Variants in TMEM169 observed in about 807,000 individuals in gnomAD.
TMEM169 encodes the protein transmembrane protein 169.
A neutral mutation model predicts 27.3 loss-of-function variants in TMEM169; 18 were observed. The ratio of observed to expected loss-of-function variants is 0.66; its 90% CI spans 0.46 to 0.98. The LOEUF is 0.98. Among genes scored for constraint, TMEM169 ranks in the 50% least tolerant of loss-of-function variants. The probability of loss-of-function intolerance (pLI) is 0.00; values close to 1 mark genes in which losing one functional copy is unlikely to be tolerated. For missense variants in TMEM169, 320 were observed against 368.6 expected (o/e 0.87, Z 1.08); for synonymous variants, 136 against 142.1 (o/e 0.96, Z 0.30).
Position 216,100,775 on chromosome 2 carries a change from A to G in TMEM169, c.*233A>G. On this transcript the variant is annotated 3_prime_UTR_variant, in exon 3 of 3. Transcript: ENST00000437356. ...AACTCTTTTTGATTCCCTGCCCTAA[A>G]ATCACCATTTATTTAGGACAATGGA... The G allele has an allele frequency of 1.7e-6, 1 of 578,794 alleles. No individual in the cohort carries two copies. The highest frequency in any genetic ancestry group is 3.0e-6 in the Non-Finnish European group (1 of 329,334). 35.9% of individuals were successfully genotyped at this position (578,794 alleles called of 1,614,324 possible).
chr2:216,088,808 C>T (rs1696065794), intron 1 of TMEM169, among the ~76,000 whole-genome samples: 1 of 152,066 alleles, frequency 6.6e-6, no homozygotes, highest in Non-Finnish European at 1.5e-5. Context: ...CTTCTTTATC[C>T]CTTTCTCCTT....
At chr2:216,097,786 T>A (rs1190684251) in intron 2 of TMEM169, among the ~76,000 whole-genome samples, 1 of 152,080 alleles carries the variant, frequency 6.6e-6, no homozygotes, top group Non-Finnish European at 1.5e-5. Context: ...GTTCTAAAGA[T>A]GACAAAACCA....
rs112664969 is a variant in TMEM169, at chr2:216,099,839, T to G, written c.272-81T>G. The G allele has an allele frequency of 7.2e-5, 111 of 1,534,262 alleles. No homozygotes were observed. The African/African-American group carries it at 1.4e-3, about 19-fold the overall frequency. ...GTAAAAAAGGCTACTCTTGTCCTCATGCCCAGCCTGGGAGGGTGCAACATG... is the reference window on the plus strand; with the variant it reads ...GTAAAAAAGGCTACTCTTGTCCTCAGGCCCAGCCTGGGAGGGTGCAACATG... On this transcript the variant is annotated intron_variant, in intron 2 of 2. Coordinates refer to ENST00000437356, the MANE Select transcript of TMEM169 (RefSeq NM_001142311.2). The surrounding 1 kb of genome is among the most constrained non-coding windows in gnomAD (Gnocchi z 5.0).
rs1247539564 is a variant in TMEM169 at position 216,099,479 on chromosome 2, A to T, written c.272-441A>T. 6.6e-6 allele frequency among the ~76,000 whole-genome samples: 1 copy of T among 152,000 alleles called. No individual in the cohort carries two copies. Among genetic ancestry groups the T allele is most frequent in the Non-Finnish European group, 1.5e-5 (1 of 67,970 alleles). Reference sequence around the variant, plus strand: ...TCAGGCATGTGAGGGGCCCCCTCTCAGAAAGCACAGAACTAGGCATGAGAA... The same window carrying T: ...TCAGGCATGTGAGGGGCCCCCTCTCTGAAAGCACAGAACTAGGCATGAGAA... On this transcript the variant is annotated intron_variant, in intron 2 of 2. Transcript: ENST00000437356. The surrounding 1 kb of genome is among the most constrained non-coding windows in gnomAD (Gnocchi z 5.0).
intron 1 of TMEM169, among the ~76,000 whole-genome samples, chr2:216,090,726 T>G (rs1212574258): frequency 6.6e-6 from 1 of 152,246 alleles, no homozygotes; most frequent in Non-Finnish European, 1.5e-5. Context: ...ACTCCCAGTT[T>G]ATTGACGCAC....
intron 1 of TMEM169, among the ~76,000 whole-genome samples, chr2:216,088,472 CA>C (rs1696058183): frequency 6.6e-6 from 1 of 152,120 alleles, no homozygotes; most frequent in South Asian, 2.1e-4. Flanking sequence ...TCAAAACAAA[CA>C]AACAAACAGA....
At chr2:216,098,840 G>A (rs575975596) in intron 2 of TMEM169, among the ~76,000 whole-genome samples, 6 of 150,894 alleles carry the variant, frequency 4.0e-5, no homozygotes, top group African/African-American at 7.3e-5. Context: ...GTGGATAGGC[G>A]TGGGTGGTAT....
rs1401015269 is a variant in TMEM169, at chr2:216,102,185, A to G, written c.*1643A>G. On this transcript the variant is annotated 3_prime_UTR_variant, in exon 3 of 3. Coordinates refer to ENST00000437356, the MANE Select transcript of TMEM169 (RefSeq NM_001142311.2). ...AAAGTTTCCTCCAACAGCGATCAGT[A>G]GCCCTAAGTACAAAGAAGCCAGATT... The G allele has an allele frequency of 6.6e-6, 1 of 152,180 alleles. No homozygotes were observed. The highest frequency in any genetic ancestry group is 1.5e-5 in the Non-Finnish European group (1 of 68,042). 9.4% of individuals were successfully genotyped at this position (152,180 alleles called of 1,614,324 possible).
chr2:216,085,082 C>G (rs1371942537), intron 1 of TMEM169, among the ~76,000 whole-genome samples: 1 of 152,178 alleles, frequency 6.6e-6, no homozygotes, highest in Non-Finnish European at 1.5e-5. Flanking sequence ...CTCTGCCTCC[C>G]AGGTTCAAAC....
intron 1 of TMEM169, among the ~76,000 whole-genome samples, chr2:216,087,986 C>T (rs1696044322): frequency 6.6e-6 from 1 of 151,704 alleles, no homozygotes; most frequent in Non-Finnish European, 1.5e-5. Flanking sequence ...TGGTGAAACC[C>T]TGTCTGTACT....
At chr2:216,098,772 G>A (rs553610562) in intron 2 of TMEM169, among the ~76,000 whole-genome samples, 1 of 150,432 alleles carries the variant, frequency 6.6e-6, no homozygotes, top group African/African-American at 2.4e-5. Flanking sequence ...TGTATGTGGG[G>A]GTGTGTGCGC....
At chr2:216,093,554 A>T (rs1337069080) in intron 1 of TMEM169, among the ~76,000 whole-genome samples, 2 of 152,118 alleles carry the variant, frequency 1.3e-5, no homozygotes, top group African/African-American at 4.8e-5. Flanking sequence ...TGTGGATCCT[A>T]CCACTAAGAT....
intron 1 of TMEM169, 173 bp downstream of exon 1, chr2:216,082,152 C>A (rs539587067): frequency 6.0e-6 from 1 of 167,516 alleles, no homozygotes. Context: ...TCCAGTGCAG[C>A]TGGAAAAAGA....
chr2:216,093,519 G>A (rs1050055082), intron 1 of TMEM169, among the ~76,000 whole-genome samples: 5 of 152,256 alleles, frequency 3.3e-5, no homozygotes, highest in African/African-American at 4.8e-5. Context: ...CAGTGAGGAC[G>A]TAGTGAAACC....
chr2:216,100,232 A>G lies in TMEM169; in HGVS notation c.584A>G (p.Asn195Ser), dbSNP rs1240574453. 6.2e-7 allele frequency: 1 copy of G among 1,613,232 alleles called. No homozygotes were observed. The highest frequency in any genetic ancestry group is 2.2e-5 in the East Asian group (1 of 44,872). Residue 195 changes from asparagine (N) to serine (S), a missense_variant, in exon 3 of 3, where the codon AAT becomes AGT. By Grantham distance (46) the Asn-to-Ser change is conservative. Coordinates refer to ENST00000437356, the MANE Select transcript of TMEM169 (RefSeq NM_001142311.2). The part of the protein sequence containing the change: ...ITWYNIFLVY[N>S]EERTFWHKIS... ...TGGTACAACATCTTCCTCGTGTATA[A>G]TGAGGAAAGGACCTTCTGGCACAAG...
Position 216,096,080 on chromosome 2 carries a change from C to G in TMEM169, c.117C>G (p.His39Gln). ...TGGATGGGGAATCCACAATGGGGCA[C>G]AGGAAAAAGAAGAGGAAAGAGTCAC... ...LALDGESTMG[H>Q]RKKKRKESRP... The change falls in exon 2 of 3, where the codon CAC (histidine) becomes CAG (glutamine). Residue 39 changes from histidine (H) to glutamine (Q), a missense_variant. Transcript: ENST00000437356. 1.9e-6 allele frequency: 3 copies of G among 1,614,106 alleles called. No individual in the cohort carries two copies. The highest frequency in any genetic ancestry group is 2.5e-6 in the Non-Finnish European group (3 of 1,180,020).
chr2:216,096,020 C>A lies in TMEM169; in HGVS notation c.57C>A (p.Gly19=). The A allele has an allele frequency of 6.2e-7, 1 of 1,614,182 alleles. No homozygotes were observed. Among genetic ancestry groups the A allele is most frequent in the South Asian group, 1.1e-5 (1 of 91,078 alleles). ...TCCAGCTTCCAAGCCCCCACCAGGG[C>A]TCTCTCAGGAAGGCTGTGGCTGCTG... The part of the protein sequence containing the change: ...GQVQLPSPHQ[G]SLRKAVAAAL... The change falls in exon 2 of 3, where the codon GGC becomes GGA. Residue 19 remains glycine (G), a synonymous_variant. Coordinates refer to ENST00000437356, the MANE Select transcript of TMEM169 (RefSeq NM_001142311.2).
chr2:216,096,167 A>G lies in TMEM169; in HGVS notation c.204A>G (p.Glu68=), dbSNP rs1464227953. 1 of 1,614,100 alleles carries G rather than the reference A, an allele frequency of 6.2e-7. No homozygotes were observed. The highest frequency in any genetic ancestry group is 1.3e-5 in the African/African-American group (1 of 74,942). The change falls in exon 2 of 3, where the codon GAA becomes GAG. Residue 68 remains glutamate, a synonymous_variant. Transcript: ENST00000437356. ...AGAAAACAGATGAGGAGCCCGGAGAATCAGAAGGTGGAGATCAGCCTAAAG... is the reference window on the plus strand; with the variant it reads ...AGAAAACAGATGAGGAGCCCGGAGAGTCAGAAGGTGGAGATCAGCCTAAAG... ...DNEKTDEEPG[E]SEGGDQPKEE...
chr2:216,087,971 C>T (rs1458105708), intron 1 of TMEM169, among the ~76,000 whole-genome samples: 6 of 151,426 alleles, frequency 4.0e-5, no homozygotes, highest in Non-Finnish European at 1.5e-5. Flanking sequence ...CTAGCCTGGC[C>T]AACATGGTGA....
Sources: allele counts gnomAD v4.1 joint callset (sites outside exome capture counted in the v4.1 genomes callset), GRCh38; gene constraint gnomAD v4.1.1; non-coding constraint Gnocchi (gnomAD v3.1); transcripts MANE v1.5; gene names NCBI Gene and HGNC (gene_info 2026-07-23, HGNC 2026-07-21).